The following DYM variants were observed in gnomAD, a reference collection of about 807,000 sequenced individuals.
DYM encodes the protein dyggve-Melchior-Clausen syndrome protein.
DYM carries 78 observed loss-of-function variants against 93.1 expected under a neutral mutation model. The ratio of observed to expected loss-of-function variants is 0.84; its 90% CI spans 0.70 to 1.01. DYM has a LOEUF of 1.01. DYM is among the 50% of genes least tolerant of loss of function. The pLI, the probability that DYM is intolerant of heterozygous loss-of-function variation, is 0.00. For synonymous variants in DYM, 321 were observed against 319.7 expected (o/e 1.00, Z -0.04); for missense variants, 789 against 845.0 (o/e 0.93, Z 0.82).
chr18:49,438,832 A>G (rs1308597624), intron 1 of DYM, among the ~76,000 whole-genome samples: 1 of 152,194 alleles, frequency 6.6e-6, no homozygotes, highest in African/African-American at 2.4e-5. Flanking sequence ...CTGAGCCCCA[A>G]TGGCATCTCT....
At chr18:49,143,318 G>A (rs573896775) in intron 15 of DYM, among the ~76,000 whole-genome samples, 265 of 152,236 alleles carry the variant, frequency 1.7e-3, no homozygotes, top group African/African-American at 5.9e-3. Context: ...AATGAAAAGA[G>A]AATTTTAAAC....
intron 3 of DYM, among the ~76,000 whole-genome samples, chr18:49,389,220 C>T (rs1220253687): frequency 3.3e-5 from 5 of 152,138 alleles, no homozygotes; most frequent in African/African-American, 1.2e-4. Flanking sequence ...AAATGTATAT[C>T]TTGTTTTGCT....
chr18:49,215,511 T>A (rs2092991401), intron 13 of DYM, among the ~76,000 whole-genome samples: 1 of 152,184 alleles, frequency 6.6e-6, no homozygotes, highest in South Asian at 2.1e-4. Context: ...AGATCCAGGA[T>A]AAACCACTCG....
At chr18:49,430,198 C>A in intron 2 of DYM, 57 bp downstream of exon 2, 1 of 1,543,178 alleles carries the variant, frequency 6.5e-7, no homozygotes, top group Non-Finnish European at 8.9e-7. Flanking sequence ...AATCAGCATA[C>A]CACACAAGTT....
At chr18:49,065,178 G>A (rs568695209) in intron 17 of DYM, among the ~76,000 whole-genome samples, 6 of 152,166 alleles carry the variant, frequency 3.9e-5, no homozygotes, top group African/African-American at 7.2e-5. Flanking sequence ...TGCACTGCAC[G>A]TCACTAAAAT....
intron 1 of DYM, among the ~76,000 whole-genome samples, chr18:49,443,326 T>C (rs1746827768): frequency 6.6e-6 from 1 of 152,216 alleles, no homozygotes; most frequent in Non-Finnish European, 1.5e-5. Flanking sequence ...GGGTAGTTGC[T>C]ACAGAGATCA....
chr18:49,401,616 C>A (rs1317447663), intron 2 of DYM, among the ~76,000 whole-genome samples: 1 of 147,654 alleles, frequency 6.8e-6, no homozygotes, highest in African/African-American at 2.4e-5. Flanking sequence ...AATCAATCAA[C>A]CTTTCTCTCT....
intron 17 of DYM, among the ~76,000 whole-genome samples, chr18:49,076,532 C>G (rs2077321823): frequency 6.6e-6 from 1 of 152,150 alleles, no homozygotes; most frequent in Admixed American, 6.5e-5. Context: ...AATGTAATAA[C>G]AGTATAAAGT....
intron 8 of DYM, among the ~76,000 whole-genome samples, chr18:49,317,167 G>A (rs2061997984): frequency 6.6e-6 from 1 of 152,174 alleles, no homozygotes; most frequent in Non-Finnish European, 1.5e-5. Context: ...TATGAGGACT[G>A]TATGTATTTT....
At chr18:49,210,032 G>A (rs1295559009) in intron 13 of DYM, among the ~76,000 whole-genome samples, 8 of 152,290 alleles carry the variant, frequency 5.3e-5, no homozygotes, top group South Asian at 2.1e-4. Context: ...TATTTGAATG[G>A]CCCAAATCCA....
intron 15 of DYM, among the ~76,000 whole-genome samples, chr18:49,125,118 G>C (rs1028154478): frequency 2.6e-5 from 4 of 152,092 alleles, no homozygotes; most frequent in Admixed American, 2.0e-4. Context: ...AAAGTAGCTG[G>C]GTGTGGTGGC....
chr18:49,426,085 A>G (rs1158428742), intron 2 of DYM, among the ~76,000 whole-genome samples: 1 of 152,172 alleles, frequency 6.6e-6, no homozygotes, highest in Non-Finnish European at 1.5e-5. Context: ...TGCTATCAAG[A>G]CACATGCACA....
At chr18:49,183,202 T>C (rs1055336607) in intron 14 of DYM, among the ~76,000 whole-genome samples, 9 of 129,080 alleles carry the variant, frequency 7.0e-5, no homozygotes, top group Non-Finnish European at 1.4e-4. Flanking sequence ...AAGTGATTTG[T>C]ATCACTGTAT....
chr18:49,431,056 T>C (rs2080279610), intron 1 of DYM, among the ~76,000 whole-genome samples: 1 of 152,060 alleles, frequency 6.6e-6, no homozygotes, highest in Admixed American at 6.6e-5. Context: ...AGTCTGAAAA[T>C]GAAGCTGTTT....
In DYM at chr18:49,053,569, G is replaced by A. The variant is rs78384036; in HGVS notation, c.2026-9365C>T. Among the ~76,000 whole-genome samples, 6 of 152,312 alleles carry A rather than the reference G, an allele frequency of 3.9e-5. No homozygotes were observed. The East Asian group carries it at 9.6e-4, about 24-fold the overall frequency. On this transcript the variant is annotated intron_variant, in intron 17 of 17. Coordinates refer to ENST00000675505, the MANE Select transcript of DYM (RefSeq NM_001353214.3). ...TAACTGTTGGCAGATGGCGCAGGTC[G>A]GGAGTGATGGGTTAGTGACTACAGA...
At chr18:49,251,557 C>G (rs189715390) in intron 13 of DYM, among the ~76,000 whole-genome samples, 1 of 152,180 alleles carries the variant, frequency 6.6e-6, no homozygotes, top group East Asian at 1.9e-4. Flanking sequence ...CATGAGATAC[C>G]CAGGTGGTGA....
intron 9 of DYM, among the ~76,000 whole-genome samples, chr18:49,282,829 T>C (rs886950442): frequency 6.6e-6 from 1 of 152,042 alleles, no homozygotes; most frequent in Non-Finnish European, 1.5e-5. Flanking sequence ...TAAATAACCA[T>C]GAGTCCTAAA....
At chr18:49,422,347 T>C (rs1476881219) in intron 2 of DYM, among the ~76,000 whole-genome samples, 5 of 152,268 alleles carry the variant, frequency 3.3e-5, no homozygotes, top group South Asian at 2.1e-4. Context: ...TGGGGGACAA[T>C]AGTCAACATT....
chr18:49,114,548 C>T, intron 16 of DYM: 1 of 985,318 alleles, frequency 1.0e-6, no homozygotes, highest in South Asian at 4.7e-5. Context: ...CTCTGCTTTT[C>T]ACTTCTTCCA....
Sources: gnomAD v4.1 joint callset for allele counts (sites outside exome capture counted in the v4.1 genomes callset) on GRCh38, gnomAD v4.1.1 for gene constraint, MANE v1.5 for transcripts, NCBI Gene and HGNC (gene_info 2026-07-23, HGNC 2026-07-21) for gene names.